Variants in PCDH15 observed in about 807,000 individuals in gnomAD.
PCDH15 encodes the protein protocadherin related 15, also known as protocadherin-15.
PCDH15 carries 129 observed loss-of-function variants against 178.5 expected under a neutral mutation model. The ratio of observed to expected loss-of-function variants is 0.72; its 90% confidence interval spans 0.63 to 0.84. The LOEUF (loss-of-function observed/expected upper bound fraction) is 0.84. Ranked by LOEUF, PCDH15 falls within the 40% of genes least tolerant of loss-of-function variation. PCDH15 has a pLI of 0.00. For synonymous variants in PCDH15, 800 were observed against 732.0 expected (o/e 1.09, Z -1.50); for missense variants, 2,230 against 2,099.9 (o/e 1.06, Z -1.21).
chr10:54,998,872 C>G (rs1591827361), intron 2 of PCDH15, among the ~76,000 whole-genome samples: 1 of 152,102 alleles, frequency 6.6e-6, no homozygotes, highest in East Asian at 1.9e-4. Flanking sequence ...AGTTGTATAT[C>G]AGGAACAAAA....
At chr10:54,634,580 G>A (rs539789802) in intron 2 of PCDH15, among the ~76,000 whole-genome samples, 1 of 152,016 alleles carries the variant, frequency 6.6e-6, no homozygotes, top group Admixed American at 6.6e-5. Flanking sequence ...GGCAGGCTCT[G>A]CAATTTTCTT....
intron 1 of PCDH15, among the ~76,000 whole-genome samples, chr10:54,799,542 T>G (rs1952421907): frequency 6.6e-6 from 1 of 152,120 alleles, no homozygotes; most frequent in African/African-American, 2.4e-5. Context: ...GACACTTAGG[T>G]AGCACAAACT....
At chr10:55,184,257 T>C (rs1839735173) in intron 1 of PCDH15, among the ~76,000 whole-genome samples, 2 of 151,932 alleles carry the variant, frequency 1.3e-5, no homozygotes, top group African/African-American at 4.8e-5. Context: ...AATTATAGTT[T>C]TGGTGCATGT....
At chr10:54,796,772 ATCTGTGTCTGTC>A (rs1201117976) in intron 1 of PCDH15, among the ~76,000 whole-genome samples, 1 of 151,722 alleles carries the variant, frequency 6.6e-6, no homozygotes, top group East Asian at 1.9e-4. Context: ...TCTGTGACTT[ATCTGTGTCTGTC>A]TCTGTCTCTC....
chr10:55,602,965 A>C (rs1032451013), intron 2 of PCDH15, among the ~76,000 whole-genome samples: 14 of 152,132 alleles, frequency 9.2e-5, no homozygotes, highest in Non-Finnish European at 1.6e-4. Flanking sequence ...ATTCAAACGA[A>C]AGGCAAAGAA....
At chr10:54,086,280 C>CT (rs1036957355) in intron 16 of PCDH15, among the ~76,000 whole-genome samples, 1 of 151,882 alleles carries the variant, frequency 6.6e-6, no homozygotes, top group African/African-American at 2.4e-5. Flanking sequence ...TGCCAGGCTC[C>CT]TTTTTTACAA....
At chr10:55,482,122 G>C (rs1454800514) in intron 2 of PCDH15, among the ~76,000 whole-genome samples, 1 of 151,680 alleles carries the variant, frequency 6.6e-6, no homozygotes, top group Non-Finnish European at 1.5e-5. Flanking sequence ...TTTAAAGTCT[G>C]TTTTGTCAGA....
At chr10:54,775,409 C>T (rs1417027468) in intron 1 of PCDH15, among the ~76,000 whole-genome samples, 1 of 150,260 alleles carries the variant, frequency 6.7e-6, no homozygotes, top group African/African-American at 2.4e-5. Flanking sequence ...TGTTTAGATA[C>T]ACACAACGTA....
intron 2 of PCDH15, among the ~76,000 whole-genome samples, chr10:54,585,243 TC>T (rs1198581917): frequency 6.6e-6 from 1 of 152,110 alleles, no homozygotes; most frequent in Non-Finnish European, 1.5e-5. Context: ...AATTGGAATA[TC>T]TATCCTGTGC....
rs5785132 is a variant in PCDH15 at position 55,442,470 on chromosome 10, T to TATATATTATATATATATAATATATATA, written c.-156+185154_-156+185155insTATATATATTATATATATATAATATAT. ...CTTAATTTGATTATATATATATATA[T>TATATATTATATATATATAATATATATA]TATATATATATTATATATATATATA... On this transcript the variant is annotated intron_variant, in intron 2 of 5. Transcript: ENST00000613346. 5.6e-5 allele frequency among the ~76,000 whole-genome samples: 7 copies of TATATATTATATATATATAATATATATA among 124,680 alleles called. No individual in the cohort carries two copies. In the East Asian group the frequency reaches 8.0e-4, roughly 14 times the overall value. 81.8% of individuals were successfully genotyped at this position (124,680 alleles called of 152,430 possible).
intron 1 of PCDH15, among the ~76,000 whole-genome samples, chr10:55,188,024 G>A (rs1233924990): frequency 6.6e-6 from 1 of 151,950 alleles, no homozygotes; most frequent in African/African-American, 2.4e-5. Flanking sequence ...GCTAGGTCTA[G>A]GGTGGTAGTT....
At chr10:53,832,677 A>C (rs2077081715) in intron 29 of PCDH15, among the ~76,000 whole-genome samples, 1 of 152,010 alleles carries the variant, frequency 6.6e-6, no homozygotes, top group Admixed American at 6.5e-5. Flanking sequence ...AAAAATGCAA[A>C]AGAAAAAATT....
chr10:54,703,392 G>A (rs1028280501), intron 1 of PCDH15, among the ~76,000 whole-genome samples: 1 of 151,280 alleles, frequency 6.6e-6, no homozygotes, highest in Admixed American at 6.6e-5. Flanking sequence ...AATAAGGCAA[G>A]GGAAAAAAAA....
intron 1 of PCDH15, among the ~76,000 whole-genome samples, chr10:55,276,038 T>C (rs184605861): frequency 1.3e-5 from 2 of 151,386 alleles, no homozygotes; most frequent in Admixed American, 1.3e-4. Flanking sequence ...TACTTAAGTA[T>C]AAATTCTAAC....
chr10:55,341,781 ATATATATATATATATATATATATAT>A (rs1844571382), intron 2 of PCDH15, among the ~76,000 whole-genome samples: 5 of 10,084 alleles, frequency 5.0e-4, no homozygotes, highest in Non-Finnish European at 1.1e-3. Flanking sequence ...ATATATATAT[ATATATATATATATATATATATATAT>A]TTTTTTTTTT....
chr10:53,903,377 G>T lies in PCDH15; in HGVS notation c.3374-7C>A, dbSNP rs377480411. The T allele has an allele frequency of 1.2e-6, 2 of 1,611,968 alleles. No homozygotes were observed. Among genetic ancestry groups the T allele is most frequent in the Non-Finnish European group, 8.5e-7 (1 of 1,179,054 alleles). On this transcript the variant is annotated splice_region_variant and splice_polypyrimidine_tract_variant and intron_variant, in intron 25 of 37. Transcript: ENST00000644397. ...TATACTTTAGCTGTATTGCCTGGAG[G>T]ACAAGAAACGATGCATTTTTTATTG...
chr10:54,709,953 T>C (rs563340443), intron 1 of PCDH15, among the ~76,000 whole-genome samples: 2 of 148,368 alleles, frequency 1.3e-5, no homozygotes, highest in Non-Finnish European at 3.0e-5. Context: ...ATATATATAT[T>C]ACATATTTAT....
At chr10:54,029,823 A>C (rs1326909602) in intron 18 of PCDH15, among the ~76,000 whole-genome samples, 1 of 152,058 alleles carries the variant, frequency 6.6e-6, no homozygotes, top group African/African-American at 2.4e-5. Flanking sequence ...TTCCATCCAT[A>C]AAAGTGGAAG....
chr10:55,325,781 A>C (rs149451225), intron 2 of PCDH15, among the ~76,000 whole-genome samples: 2,136 of 152,202 alleles, frequency 0.014, 85 homozygotes, highest in Admixed American at 0.077. Context: ...CAACAACACA[A>C]TCTATCAACA....
Sources: gnomAD v4.1 joint callset for allele counts (sites outside exome capture counted in the v4.1 genomes callset) on GRCh38, gnomAD v4.1.1 for gene constraint, MANE v1.5 for transcripts, NCBI Gene and HGNC (gene_info 2026-07-23, HGNC 2026-07-21) for gene names.